YWHAQ: variants seen among roughly 807,000 people sequenced by gnomAD.
YWHAQ encodes the protein 14-3-3 protein theta.
A neutral mutation model predicts 28.3 loss-of-function variants in YWHAQ; 6 were observed. The observed-to-expected ratio is 0.21, with a 90% CI of 0.12 to 0.42. The LOEUF is 0.42. Among genes scored for constraint, YWHAQ ranks in the 10% least tolerant of loss-of-function variants. The probability of loss-of-function intolerance (pLI) is 1.00; values close to 1 mark genes in which losing one functional copy is unlikely to be tolerated. For missense variants in YWHAQ, 201 were observed against 305.6 expected, an observed-to-expected ratio of 0.66 and a Z score of 2.55; for synonymous variants, 143 against 119.1, an observed-to-expected ratio of 1.20 and a Z score of -1.31.
chr2:9,601,470 A>C (rs573509539), intron 2 of YWHAQ, among the ~76,000 whole-genome samples: 4 of 152,340 alleles, frequency 2.6e-5, no homozygotes, highest in East Asian at 1.9e-4. Flanking sequence ...CCACCTCAAA[A>C]AAACAAACAA....
intron 4 of YWHAQ, 25 bp downstream of exon 4, chr2:9,588,140 C>T (rs1666384015): frequency 3.3e-6 from 5 of 1,508,850 alleles, no homozygotes; most frequent in Non-Finnish European, 4.4e-6. Context: ...AGCTAAAGTA[C>T]GTATTTCCTG....
chr2:9,593,579 G>C (rs1666502487), intron 2 of YWHAQ, among the ~76,000 whole-genome samples: 1 of 151,738 alleles, frequency 6.6e-6, no homozygotes, highest in Non-Finnish European at 1.5e-5. Context: ...CAAGCACTCT[G>C]GGAAGTAGAG....
intron 2 of YWHAQ, among the ~76,000 whole-genome samples, chr2:9,598,622 A>T (rs949815618): frequency 6.6e-6 from 1 of 152,176 alleles, no homozygotes; most frequent in Non-Finnish European, 1.5e-5. Context: ...CTGCTATGGC[A>T]ATCTGTGATC....
intron 2 of YWHAQ, among the ~76,000 whole-genome samples, chr2:9,625,336 C>T (rs911460783): frequency 6.6e-6 from 1 of 151,778 alleles, no homozygotes; most frequent in African/African-American, 2.4e-5. Flanking sequence ...AAACCCACAA[C>T]GTCAATGAGT....
chr2:9,617,234 T>C (rs912873144), intron 2 of YWHAQ, among the ~76,000 whole-genome samples: 2 of 152,038 alleles, frequency 1.3e-5, no homozygotes, highest in Non-Finnish European at 2.9e-5. Context: ...AGTGCTGTGA[T>C]TACAGGTGTG....
chr2:9,591,109 G>A (rs1461905913), intron 3 of YWHAQ, among the ~76,000 whole-genome samples: 4 of 152,042 alleles, frequency 2.6e-5, no homozygotes, highest in African/African-American at 9.7e-5. Flanking sequence ...AAAATATGGT[G>A]AACCAAAATT....
At chr2:9,608,116 T>A (rs1369200814) in intron 2 of YWHAQ, among the ~76,000 whole-genome samples, 1 of 152,100 alleles carries the variant, frequency 6.6e-6, no homozygotes, top group African/African-American at 2.4e-5. Context: ...AACCTTAAAA[T>A]AGATTCACAG....
Position 9,585,346 on chromosome 2 carries a change from C to A in YWHAQ, c.679-1G>T. 1 of 1,613,892 alleles carries A rather than the reference C, an allele frequency of 6.2e-7. No homozygotes were observed. Among genetic ancestry groups the A allele is most frequent in the Non-Finnish European group, 8.5e-7 (1 of 1,179,866 alleles). ...CTCCTGCACTGTCTGATGTCCAAAG[C>A]TAGAAAAAGAAGAATCATATTAAGT... On this transcript the variant is annotated splice_acceptor_variant, in intron 5 of 5. Coordinates refer to ENST00000238081, the MANE Select transcript of YWHAQ (RefSeq NM_006826.4). LOFTEE classifies it high-confidence loss of function.
chr2:9,594,501 G>A (rs1175784670), intron 2 of YWHAQ, among the ~76,000 whole-genome samples: 1 of 152,120 alleles, frequency 6.6e-6, no homozygotes, highest in Non-Finnish European at 1.5e-5. Flanking sequence ...AGTGGATTCT[G>A]AGAAGTAGTA....
intron 2 of YWHAQ, among the ~76,000 whole-genome samples, chr2:9,602,846 A>G (rs1572994129): frequency 2.4e-5 from 1 of 41,764 alleles, no homozygotes; most frequent in African/African-American, 1.4e-4. Context: ...AAAAAAAAAA[A>G]AAAAAAAAAA....
At chr2:9,593,943 C>CACACACA (rs1420622388) in intron 2 of YWHAQ, among the ~76,000 whole-genome samples, 5 of 145,614 alleles carry the variant, frequency 3.4e-5, no homozygotes, top group Admixed American at 2.0e-4. Flanking sequence ...CACACACACA[C>CACACACA]TTTTTTAAGG....
Position 9,630,433 on chromosome 2 carries a change from A to T in YWHAQ, c.20T>A (p.Ile7Asn). The change falls in exon 2 of 6, where the codon ATC becomes AAC. Residue 7 changes from isoleucine to asparagine, a missense_variant. Around this residue, in one of 2 missense-constraint regions of YWHAQ, gnomAD observed 162 missense variants for 213.9 expected, o/e 0.76. Coordinates refer to ENST00000238081, the MANE Select transcript of YWHAQ (RefSeq NM_006826.4). The surrounding 1 kb of genome is among the most constrained non-coding windows in gnomAD (Gnocchi z 5.6). The stretch of plus-strand genomic sequence containing the variant: ...CTGCTCGGCCAGCTTGGCCTTCTGG[A>T]TCAGCTCAGTCTTCTCCATGGCGGG... Reference protein sequence around the residue: MEKTELIQKAKLAEQAE... With the variant: MEKTELNQKAKLAEQAE... 1 of 1,610,828 alleles carries T rather than the reference A, an allele frequency of 6.2e-7. No homozygotes were observed.
At chr2:9,593,021 C>A (rs1666488046) in intron 2 of YWHAQ, among the ~76,000 whole-genome samples, 3 of 152,130 alleles carry the variant, frequency 2.0e-5, no homozygotes, top group African/African-American at 7.2e-5. Flanking sequence ...AAAATAACCA[C>A]AGATACGCTC....
chr2:9,601,560 G>T (rs115488062), intron 2 of YWHAQ, among the ~76,000 whole-genome samples: 1 of 152,278 alleles, frequency 6.6e-6, no homozygotes, highest in African/African-American at 2.4e-5. Flanking sequence ...ACCATTTAAC[G>T]TTCATATAAA....
intron 4 of YWHAQ, 103 bp from the exon 5 acceptor site, chr2:9,587,612 G>A (rs1325147623): frequency 3.1e-6 from 3 of 960,558 alleles, no homozygotes; most frequent in Non-Finnish European, 4.6e-6. Context: ...CCCACCTTAT[G>A]TTCTACCATC....
intron 2 of YWHAQ, among the ~76,000 whole-genome samples, chr2:9,602,140 C>A (rs1666705933): frequency 2.0e-5 from 3 of 152,080 alleles, no homozygotes; most frequent in African/African-American, 7.2e-5. Context: ...AATATAATAA[C>A]TCCTGGCCAG....
chr2:9,588,882 G>T (rs1300610960), intron 3 of YWHAQ, among the ~76,000 whole-genome samples: 1 of 152,162 alleles, frequency 6.6e-6, no homozygotes, highest in Non-Finnish European at 1.5e-5. Flanking sequence ...GTGAGGCAGG[G>T]GGATCACTTG....
At position 9,593,919 on chromosome 2, in the gene YWHAQ, T is replaced by C. The variant is rs1318444679; in HGVS notation, c.295-2404A>G. Reference sequence around the variant, plus strand: ...AGATTAAAAAAAATATATATATATATATATACACACACACACACACACACT... The same window carrying C: ...AGATTAAAAAAAATATATATATATACATATACACACACACACACACACACT... On this transcript the variant is annotated intron_variant, in intron 2 of 5. Coordinates refer to ENST00000238081, the MANE Select transcript of YWHAQ (RefSeq NM_006826.4). Among the ~76,000 whole-genome samples, 667 of 124,902 alleles carry C rather than the reference T, an allele frequency of 5.3e-3. 1 individual carries two copies. The highest frequency in any genetic ancestry group is 0.028 in the Middle Eastern group (7 of 250). 81.9% of individuals were successfully genotyped at this position (124,902 alleles called of 152,430 possible). A position where few individuals can be genotyped will look rare whatever the true frequency, so the allele number is the denominator to read the frequency against.
intron 2 of YWHAQ, among the ~76,000 whole-genome samples, chr2:9,622,990 C>T (rs1667170867): frequency 6.6e-6 from 1 of 152,160 alleles, no homozygotes; most frequent in South Asian, 2.1e-4. Context: ...GTGTTAAATA[C>T]AAAAACTGGT....
Sources: gnomAD v4.1 joint callset for allele counts (sites outside exome capture counted in the v4.1 genomes callset) on GRCh38, gnomAD v4.1.1 for gene constraint, gnomAD v4.1.1 regional missense constraint, Gnocchi (gnomAD v3.1) non-coding constraint, MANE v1.5 for transcripts, NCBI Gene and HGNC (gene_info 2026-07-23, HGNC 2026-07-21) for gene names.